The following DCDC2B variants were observed in gnomAD, a reference collection of about 807,000 sequenced individuals.
DCDC2B encodes doublecortin domain containing 2B, also known as doublecortin domain-containing protein 2B.
Under a neutral mutation model 38.9 loss-of-function variants are expected in DCDC2B, and 41 were observed. The ratio of observed to expected loss-of-function variants is 1.05; its 90% CI spans 0.82 to 1.37. DCDC2B has a LOEUF of 1.37. DCDC2B is among the 40% of genes most tolerant of loss of function. The pLI, the probability that DCDC2B is intolerant of heterozygous loss-of-function variation, is 0.00. For synonymous variants in DCDC2B, 181 were observed against 171.9 expected (o/e 1.05, Z -0.41); for missense variants, 453 against 427.2 (o/e 1.06, Z -0.53).
In DCDC2B at chr1:32,214,935, G is replaced by T; in HGVS notation, c.850+3G>T. 1 of 1,613,928 alleles carries T rather than the reference G, an allele frequency of 6.2e-7. No homozygotes were observed. The highest frequency in any genetic ancestry group is 8.5e-7 in the Non-Finnish European group (1 of 1,179,868). ...CCCCACACTCTCATTCCCATCAGGT[G>T]AGGGGTCCCTGGGGCTCAGGCCCTT... On this transcript the variant is annotated splice_donor_region_variant and intron_variant, in intron 7 of 8. Coordinates refer to ENST00000409358, the MANE Select transcript of DCDC2B (RefSeq NM_001099434.2).
chr1:32,213,210 A>C (rs373591765), intron 6 of DCDC2B, among the ~76,000 whole-genome samples: 66 of 150,430 alleles, frequency 4.4e-4, no homozygotes, highest in Non-Finnish European at 8.6e-4. Context: ...TTTTTCTTTT[A>C]AATATAGAGA....
intron 1 of DCDC2B, 22 bp downstream of exon 1, chr1:32,209,381 A>T: frequency 6.2e-7 from 1 of 1,611,788 alleles, no homozygotes. Flanking sequence ...GGGGCTGGTC[A>T]AACAGCCTAG....
rs1001072443 is a variant in DCDC2B, at chr1:32,213,878, A to G, written c.715-919A>G. Among the ~76,000 whole-genome samples the G allele has an allele frequency of 4.6e-4, 67 of 145,160 alleles. 1 individual carries two copies. The highest frequency in any genetic ancestry group is 6.0e-5 in the Non-Finnish European group (4 of 66,336). ...TCCATGTTGGTCAGGCTGGTCTCAA[A>G]CTCCCTCAGGTGATCTGCCCACCTC... On this transcript the variant is annotated intron_variant, in intron 6 of 8. Transcript: ENST00000409358.
At chr1:32,215,725 T>C in intron 8 of DCDC2B, 77 bp from the exon 9 acceptor site, 1 of 1,264,440 alleles carries the variant, frequency 7.9e-7, no homozygotes, top group Non-Finnish European at 1.1e-6. Context: ...TTCCTTGGGG[T>C]TGGGGACCTC....
chr1:32,215,116 A>C (rs1638271090), intron 7 of DCDC2B, 184 bp downstream of exon 7: 1 of 848,340 alleles, frequency 1.2e-6, no homozygotes, highest in Non-Finnish European at 1.8e-6. Flanking sequence ...CCCGTAAAAA[A>C]AAAAAAAGCT....
intron 7 of DCDC2B, 28 bp from the exon 8 acceptor site, chr1:32,215,412 A>G (rs1429127291): frequency 6.3e-7 from 1 of 1,582,680 alleles, no homozygotes; most frequent in South Asian, 1.1e-5. Flanking sequence ...CAGCCTGGGC[A>G]TCACCCAGTG....
At chr1:32,212,406 T>G in intron 4 of DCDC2B, 84 bp from the exon 5 acceptor site, 3 of 1,574,836 alleles carry the variant, frequency 1.9e-6, no homozygotes, top group African/African-American at 2.7e-5. Flanking sequence ...CACCTTGGAA[T>G]AGCTGCACCC....
At chr1:32,215,232 C>T in intron 7 of DCDC2B, 4 of 590,806 alleles carry the variant, frequency 6.8e-6, no homozygotes, top group Non-Finnish European at 1.2e-5. Flanking sequence ...AAGGGCAGTG[C>T]TTAAAGCGAT....
chr1:32,212,024 T>C lies in DCDC2B; in HGVS notation c.396-46T>C, dbSNP rs199633653. 1.2e-5 allele frequency: 19 copies of C among 1,594,788 alleles called. No individual in the cohort carries two copies. The South Asian group carries it at 1.3e-4, about 11-fold the overall frequency. ...CCTGTGCCACCCTTCCCCTCACATG[T>C]AGGGACTCCTGGGGACACTCCCCCT... On this transcript the variant is annotated intron_variant, in intron 3 of 8. Transcript: ENST00000409358.
intron 6 of DCDC2B, 133 bp downstream of exon 6, chr1:32,212,926 TGTA>T: frequency 8.8e-7 from 1 of 1,134,316 alleles, no homozygotes; most frequent in South Asian, 1.5e-5. Context: ...AGTCTTGCTC[TGTA>T]GTCCAGGCTG....
intron 8 of DCDC2B, 44 bp from the exon 9 acceptor site, chr1:32,215,758 C>T: frequency 6.9e-7 from 1 of 1,448,874 alleles, no homozygotes; most frequent in Non-Finnish European, 9.4e-7. Context: ...TGGAGGCTGG[C>T]CATACTCACG....
chr1:32,211,915 A>G (rs1431967095), intron 3 of DCDC2B, 78 bp downstream of exon 3: 3 of 1,549,080 alleles, frequency 1.9e-6, no homozygotes, highest in Non-Finnish European at 2.6e-6. Flanking sequence ...GGTTTGTTCT[A>G]GGAGCCTCTG....
chr1:32,209,741 G>C (rs1157393842), intron 1 of DCDC2B, among the ~76,000 whole-genome samples: 1 of 152,104 alleles, frequency 6.6e-6, no homozygotes, highest in East Asian at 1.9e-4. Context: ...AGGCATCCCA[G>C]ACTCTCCCGT....
In DCDC2B at chr1:32,215,291, C is replaced by T. The variant is rs191699744; in HGVS notation, c.851-149C>T. On this transcript the variant is annotated intron_variant, in intron 7 of 8. Transcript: ENST00000409358. ...AGGGGATGGGGGTGGGACCAAAGGC[C>T]CACCTCTCACTTCCTTGCCATCCTG... 1.6e-5 allele frequency: 11 copies of T among 682,344 alleles called. No homozygotes were observed. In the East Asian group the frequency reaches 2.8e-4, roughly 18 times the overall value. The allele number at this position is 682,344 out of a possible 1,614,324, so 42.3% of individuals were successfully genotyped here. A position where few individuals can be genotyped will look rare whatever the true frequency, so the allele number is the denominator to read the frequency against.
chr1:32,215,172 A>G, intron 7 of DCDC2B: 1 of 617,008 alleles, frequency 1.6e-6, no homozygotes, highest in Non-Finnish European at 2.7e-6. Flanking sequence ...CCGTCTGTAT[A>G]TCCTGTCCCT....
chr1:32,212,607 G>A lies in DCDC2B; in HGVS notation c.645G>A (p.Val215=). ...ACCTTCCCTATCTGGAGCTGCTGGT[G>A]CCCAGCCCCTCCCTGCCCAGGGGCT... ...FKDLPYLELL[V]PSPSLPRGCW... is the part of the protein sequence containing the mutation. The change falls in exon 5 of 9, where the codon GTG becomes GTA. Residue 215 remains valine, a synonymous_variant. Coordinates refer to ENST00000409358, the MANE Select transcript of DCDC2B (RefSeq NM_001099434.2). 1 of 1,614,020 alleles carries A rather than the reference G, an allele frequency of 6.2e-7. No homozygotes were observed. The highest frequency in any genetic ancestry group is 8.5e-7 in the Non-Finnish European group (1 of 1,179,888).
At chr1:32,211,214 C>G in intron 1 of DCDC2B, 58 bp from the exon 2 acceptor site, 1 of 1,519,384 alleles carries the variant, frequency 6.6e-7, no homozygotes, top group Non-Finnish European at 9.1e-7. Flanking sequence ...CTGACATCTG[C>G]CAGGCTATTG....
chr1:32,210,862 A>G (rs1480220268), intron 1 of DCDC2B, among the ~76,000 whole-genome samples: 1 of 151,616 alleles, frequency 6.6e-6, no homozygotes, highest in Non-Finnish European at 1.5e-5. Flanking sequence ...CCACAGGTGC[A>G]TGCCACCATG....
chr1:32,212,859 C>A, intron 6 of DCDC2B, 66 bp downstream of exon 6: 1 of 1,561,202 alleles, frequency 6.4e-7, no homozygotes, highest in Non-Finnish European at 8.8e-7. Flanking sequence ...ACTCTTCTGG[C>A]ACAGGCTCTG....
Sources: allele counts gnomAD v4.1 joint callset (sites outside exome capture counted in the v4.1 genomes callset), GRCh38; gene constraint gnomAD v4.1.1; transcripts MANE v1.5; gene names NCBI Gene and HGNC (gene_info 2026-07-23, HGNC 2026-07-21).